The following MSN variants were observed in gnomAD, a reference collection of about 807,000 sequenced individuals.
The protein encoded by MSN is moesin.
MSN carries 2 observed loss-of-function variants against 48.0 expected under a neutral mutation model. The ratio of observed to expected loss-of-function variants is 0.04; its 90% CI spans 0.02 to 0.13. The LOEUF (loss-of-function observed/expected upper bound fraction) is 0.13. Among genes scored for constraint, MSN ranks in the 10% least tolerant of loss-of-function variants. The probability of loss-of-function intolerance (pLI) is 1.00; values close to 1 mark genes in which losing one functional copy is unlikely to be tolerated. For synonymous variants in MSN, 146 were observed against 166.9 expected (o/e 0.87, Z 0.97); for missense variants, 267 against 470.1 (o/e 0.57, Z 3.99).
intron 1 of MSN, among the ~76,000 whole-genome samples, chrX:65,714,057 G>A (rs1397325357): frequency 1.8e-5 from 2 of 111,655 alleles, no homozygotes; most frequent in African/African-American, 6.5e-5. Context: ...TGGGATTACA[G>A]GTGTGAGCTA....
chrX:65,641,877 G>A (rs1425067840), intron 1 of MSN, among the ~76,000 whole-genome samples: 2 of 109,280 alleles, frequency 1.8e-5, no homozygotes, highest in African/African-American at 6.6e-5. Flanking sequence ...GCTCATGCCT[G>A]TAGTCCCAGC....
At chrX:65,681,220 C>T (rs1467187871) in intron 1 of MSN, among the ~76,000 whole-genome samples, 1 of 111,891 alleles carries the variant, frequency 8.9e-6, no homozygotes, top group Admixed American at 9.5e-5. Flanking sequence ...ATTGTACTAT[C>T]TTCTATGTGC....
At position 65,729,609 on chromosome X, in the gene MSN, G is replaced by A. The variant is rs775857259; in HGVS notation, c.364G>A (p.Ala122Thr). ...NDDIYCPPET[A>T]VLLASYAVQS... ...TGATATTTACTGCCCGCCTGAGACC[G>A]CTGTGCTGCTGGCCTCGTATGCTGT... The change falls in exon 4 of 13, where the codon GCT becomes ACT. Residue 122 changes from alanine to threonine, a missense_variant. Ala to Thr is a moderately conservative substitution (Grantham distance 58, BLOSUM62 0). This residue lies in a region of MSN where 89 missense variants were observed against 151.0 expected (regional missense o/e 0.59). Transcript: ENST00000360270. 8 of 1,211,734 alleles carry A rather than the reference G, an allele frequency of 6.6e-6. No homozygotes were observed. The highest frequency in any genetic ancestry group is 3.5e-5 in the South Asian group (2 of 56,975).
At chrX:65,628,988 C>A (rs928730975) in intron 1 of MSN, among the ~76,000 whole-genome samples, 2 of 108,519 alleles carry the variant, frequency 1.8e-5, no homozygotes, top group South Asian at 4.1e-4. Context: ...ATCGCTTAAA[C>A]CTGGAAAGTG....
chrX:65,681,547 G>T (rs768416864), intron 1 of MSN, among the ~76,000 whole-genome samples: 1 of 112,369 alleles, frequency 8.9e-6, no homozygotes, highest in Admixed American at 9.4e-5. Context: ...AGGGACAGGT[G>T]TATTAGCACC....
intron 1 of MSN, among the ~76,000 whole-genome samples, chrX:65,691,663 C>T (rs2071174644): frequency 9.0e-6 from 1 of 110,758 alleles, no homozygotes; most frequent in Non-Finnish European, 1.9e-5. Flanking sequence ...CGCCTCCACG[C>T]CTGGTTAATT....
intron 1 of MSN, among the ~76,000 whole-genome samples, chrX:65,673,701 G>A (rs753478796): frequency 1.8e-5 from 2 of 111,934 alleles, no homozygotes; most frequent in African/African-American, 3.3e-5. Context: ...CTTTCCTTTA[G>A]CTGGTTGTTC....
chrX:65,670,925 T>TATAC (rs1556363437), intron 1 of MSN, among the ~76,000 whole-genome samples: 111 of 56,656 alleles, frequency 2.0e-3, no homozygotes, highest in Non-Finnish European at 2.5e-3. Flanking sequence ...TATATATATA[T>TATAC]ATATATATAT....
At chrX:65,664,531 GC>G (rs2070851831), upstream of MSN, among the ~76,000 whole-genome samples, 1 of 111,001 alleles carries the variant, frequency 9.0e-6, no homozygotes, top group African/African-American at 3.3e-5. Context: ...TAGCTATCTG[GC>G]CTTGGGTAAG....
intron 1 of MSN, among the ~76,000 whole-genome samples, chrX:65,654,765 C>T (rs995335171): frequency 2.8e-4 from 31 of 111,530 alleles, no homozygotes; most frequent in Admixed American, 4.8e-4. Context: ...GGGTTGTGCT[C>T]TCATGGAGGT....
intron 1 of MSN, among the ~76,000 whole-genome samples, chrX:65,630,325 G>T (rs1355067720): frequency 8.9e-6 from 1 of 111,789 alleles, no homozygotes; most frequent in Non-Finnish European, 1.9e-5. Context: ...TATAATCCCA[G>T]CATTTTGGGA....
intron 8 of MSN, 77 bp from the exon 9 acceptor site, chrX:65,736,718 G>A: frequency 1.8e-6 from 2 of 1,097,033 alleles, no homozygotes; most frequent in Non-Finnish European, 1.2e-6. Flanking sequence ...TTACAGGTGT[G>A]AGCCACCGCG....
At chrX:65,730,009 C>T (rs2071607398) in intron 4 of MSN, among the ~76,000 whole-genome samples, 1 of 112,105 alleles carries the variant, frequency 8.9e-6, no homozygotes, top group Non-Finnish European at 1.9e-5. Flanking sequence ...TTTCACCCAT[C>T]CCTGGTTCCA....
intron 5 of MSN, 126 bp downstream of exon 5, chrX:65,731,316 T>C (rs1418997938): frequency 5.3e-6 from 3 of 567,015 alleles, no homozygotes; most frequent in Non-Finnish European, 8.5e-6. Context: ...ACAGGGACGA[T>C]AGAAGGCAAA....
At position 65,588,552 on chromosome X, in the gene MSN, C is replaced by T; in HGVS notation, c.-82C>T. The stretch of plus-strand genomic sequence containing the variant: ...CACCCATCAGCCACCTCCAGCCCCG[C>T]CGCTCAACCAGCCATCAGTCCCTTA... On this transcript the variant is annotated 5_prime_UTR_variant, in exon 1 of 4. Coordinates refer to the MSN transcript ENST00000609672. 3.7e-6 allele frequency: 3 copies of T among 807,197 alleles called. No individual in the cohort carries two copies. In the South Asian group the frequency reaches 2.0e-4, roughly 53 times the overall value. 66.5% of individuals were successfully genotyped at this position (807,197 alleles called of 1,213,427 possible).
chrX:65,694,626 G>A (rs963933327), intron 1 of MSN, among the ~76,000 whole-genome samples: 2 of 112,296 alleles, frequency 1.8e-5, no homozygotes, highest in African/African-American at 6.5e-5. Flanking sequence ...ACCACGCCCG[G>A]CACTCTTTAC....
intron 1 of MSN, among the ~76,000 whole-genome samples, chrX:65,706,517 C>T (rs1454281885): frequency 8.9e-6 from 1 of 112,097 alleles, no homozygotes; most frequent in Non-Finnish European, 1.9e-5. Flanking sequence ...CCCAACTGGG[C>T]TGACTCACAA....
chrX:65,609,808 G>C (rs907673822), intron 1 of MSN, among the ~76,000 whole-genome samples: 1 of 110,589 alleles, frequency 9.0e-6, no homozygotes, highest in Non-Finnish European at 1.9e-5. Flanking sequence ...ACTCGAACCC[G>C]GGAGGCAGAG....
chrX:65,630,817 A>G (rs771980651), intron 1 of MSN, among the ~76,000 whole-genome samples: 3 of 111,790 alleles, frequency 2.7e-5, no homozygotes, highest in Non-Finnish European at 5.6e-5. Flanking sequence ...CATGGTTCAT[A>G]TCATATCATG....
Sources: allele counts gnomAD v4.1 joint callset (sites outside exome capture counted in the v4.1 genomes callset), GRCh38; gene constraint gnomAD v4.1.1; regional missense constraint gnomAD v4.1.1; transcripts MANE v1.5; gene names NCBI Gene and HGNC (gene_info 2026-07-23, HGNC 2026-07-21).